Variants in AGPAT3 observed in about 807,000 individuals in gnomAD.
AGPAT3 encodes 1-acyl-sn-glycerol-3-phosphate acyltransferase gamma.
A neutral mutation model predicts 47.3 loss-of-function variants in AGPAT3; 5 were observed. The observed-to-expected ratio is 0.11, with a 90% confidence interval of 0.06 to 0.22. AGPAT3 has a LOEUF of 0.22. Among genes scored for constraint, AGPAT3 ranks in the 10% least tolerant of loss-of-function variants. AGPAT3 has a pLI of 1.00. For missense variants in AGPAT3, 315 were observed against 493.0 expected, an observed-to-expected ratio of 0.64 and a Z score of 3.42; for synonymous variants, 212 against 208.3, an observed-to-expected ratio of 1.02 and a Z score of -0.15.
intron 1 of AGPAT3, among the ~76,000 whole-genome samples, chr21:43,879,564 T>C (rs899894898): frequency 6.6e-6 from 1 of 151,566 alleles, no homozygotes; most frequent in African/African-American, 2.4e-5. Flanking sequence ...GTCGTGGGGG[T>C]GTGGCCCAGG....
rs1485799897 is a variant in AGPAT3 at position 43,954,953 on chromosome 21, C to T, written c.-48-4681C>T. The T allele has an allele frequency of 3.8e-6, 4 of 1,039,902 alleles. No individual in the cohort carries two copies. Among genetic ancestry groups the T allele is most frequent in the Non-Finnish European group, 4.8e-6 (4 of 830,168 alleles). 64.4% of individuals were successfully genotyped at this position (1,039,902 alleles called of 1,614,324 possible). A position where few individuals can be genotyped will look rare whatever the true frequency, so the allele number is the denominator to read the frequency against. On this transcript the variant is annotated intron_variant, in intron 2 of 9. Transcript: ENST00000291572. The surrounding 1 kb of genome is among the most constrained non-coding windows in gnomAD (Gnocchi z 4.0). ...TTCAGGTGATGGACCAGAGACTGGC[C>T]GCTTTGTGACACCGAGGACGGTTGA...
At chr21:43,919,168 T>C (rs1309368821) in intron 2 of AGPAT3, among the ~76,000 whole-genome samples, 1 of 152,214 alleles carries the variant, frequency 6.6e-6, no homozygotes, top group East Asian at 1.9e-4. Context: ...TATTTTCTTT[T>C]TTTTTAAACT....
chr21:43,969,401 G>A, intron 5 of AGPAT3, 122 bp downstream of exon 5: 5 of 1,275,688 alleles, frequency 3.9e-6, no homozygotes, highest in Non-Finnish European at 5.4e-6. Flanking sequence ...ATGGGGTGCT[G>A]TTTCCATGGG....
chr21:43,978,130 G>A lies in AGPAT3; in HGVS notation c.843+9G>A, dbSNP rs1275330986. On this transcript the variant is annotated intron_variant, in intron 8 of 9. Transcript: ENST00000291572. Reference sequence around the variant, plus strand: ...AACTGTACCAGGAGAAGGTAAGCAGGCTCTGCTCCCGCTCAGGGTCCCGGT... The same window carrying A: ...AACTGTACCAGGAGAAGGTAAGCAGACTCTGCTCCCGCTCAGGGTCCCGGT... 3.1e-6 allele frequency: 5 copies of A among 1,612,102 alleles called. No homozygotes were observed. The highest frequency in any genetic ancestry group is 2.2e-5 in the South Asian group (2 of 90,830).
intron 2 of AGPAT3, among the ~76,000 whole-genome samples, chr21:43,936,339 C>T (rs1024145092): frequency 1.5e-4 from 23 of 152,336 alleles, no homozygotes; most frequent in African/African-American, 5.1e-4. Context: ...CATTGTTTAC[C>T]GGGGGCTGTG....
At chr21:43,899,183 G>A (rs1011601364) in intron 1 of AGPAT3, among the ~76,000 whole-genome samples, 8 of 151,976 alleles carry the variant, frequency 5.3e-5, no homozygotes, top group East Asian at 3.9e-4. Context: ...GTGTTTGTCC[G>A]GAAGCACTAG....
At chr21:43,913,012 AAT>A (rs1236846588) in intron 2 of AGPAT3, among the ~76,000 whole-genome samples, 1 of 152,194 alleles carries the variant, frequency 6.6e-6, no homozygotes, top group Admixed American at 6.5e-5. Context: ...GAGGACGTGT[AAT>A]ATTTAGTACT....
Position 43,876,868 on chromosome 21 carries a change from T to G in AGPAT3, c.-112+11523T>G, listed in dbSNP as rs147118690. On this transcript the variant is annotated intron_variant, in intron 1 of 9. Transcript: ENST00000291572. Reference sequence around the variant, plus strand: ...TTTTGTTTTTTGTTTGTTTTATTTGTTTTTTTTTGAGACAAAGTCTCACTC... The same window carrying G: ...TTTTGTTTTTTGTTTGTTTTATTTGGTTTTTTTTGAGACAAAGTCTCACTC... Among the ~76,000 whole-genome samples the G allele has an allele frequency of 5.3e-3, 775 of 147,480 alleles. 5 individuals are homozygous for G. The highest frequency in any genetic ancestry group is 0.019 in the African/African-American group (708 of 38,000).
At chr21:43,871,237 A>T (rs746554377) in intron 1 of AGPAT3, among the ~76,000 whole-genome samples, 4 of 152,224 alleles carry the variant, frequency 2.6e-5, no homozygotes, top group Non-Finnish European at 1.5e-5. Context: ...CCAAGAATTT[A>T]TGTGCAGATG....
chr21:43,898,642 T>A (rs2086281556), intron 1 of AGPAT3, among the ~76,000 whole-genome samples: 1 of 152,186 alleles, frequency 6.6e-6, no homozygotes, highest in Non-Finnish European at 1.5e-5. Flanking sequence ...TTCTCCTGCC[T>A]CAGCCTCCTG....
At chr21:43,899,253 G>T (rs1034980652) in intron 1 of AGPAT3, among the ~76,000 whole-genome samples, 1 of 152,186 alleles carries the variant, frequency 6.6e-6, no homozygotes, top group Non-Finnish European at 1.5e-5. Context: ...TGGCAGTGCC[G>T]TTCTTTCAGC....
chr21:43,948,560 G>C lies in AGPAT3; in HGVS notation c.-48-11074G>C, dbSNP rs7277995. Among the ~76,000 whole-genome samples, 867 of 152,148 alleles carry C rather than the reference G, an allele frequency of 5.7e-3. 7 individuals carry two copies. The highest frequency in any genetic ancestry group is 0.028 in the East Asian group (147 of 5,182). On this transcript the variant is annotated intron_variant, in intron 2 of 9. Transcript: ENST00000291572. The stretch of plus-strand genomic sequence containing the variant: ...GCAGGAGGTTCTGTTACCAGCAAAG[G>C]GGGTAGTGGCAGGTAGGTAACTCAC...
chr21:43,958,378 T>C (rs968266642), intron 2 of AGPAT3, among the ~76,000 whole-genome samples: 2 of 151,148 alleles, frequency 1.3e-5, no homozygotes, highest in Admixed American at 6.6e-5. Flanking sequence ...GTGTAGAGTA[T>C]GGGGCTGTGT....
chr21:43,945,975 C>T (rs1208678460), intron 2 of AGPAT3, among the ~76,000 whole-genome samples: 8 of 152,142 alleles, frequency 5.3e-5, no homozygotes, highest in African/African-American at 1.4e-4. Flanking sequence ...GGGCCCTCCA[C>T]CTTGTCCCCG....
At chr21:43,940,388 T>C (rs1162665385) in intron 2 of AGPAT3, among the ~76,000 whole-genome samples, 2 of 152,130 alleles carry the variant, frequency 1.3e-5, no homozygotes, top group Non-Finnish European at 2.9e-5. Context: ...TACTGTGTGC[T>C]CCCCTCCTCT....
chr21:43,941,173 C>T (rs2087641302), intron 2 of AGPAT3, among the ~76,000 whole-genome samples: 1 of 152,140 alleles, frequency 6.6e-6, no homozygotes, highest in South Asian at 2.1e-4. Flanking sequence ...AGGTGATTTC[C>T]TAGGAAGAGA....
chr21:43,872,253 T>G (rs10432972), intron 1 of AGPAT3, among the ~76,000 whole-genome samples: 98,187 of 151,366 alleles, frequency 0.65, 33,686 homozygotes, highest in Admixed American at 0.77. Context: ...GGATCTCAGT[T>G]CACTGCAACC....
chr21:43,911,577 G>C (rs1340614274), intron 2 of AGPAT3, among the ~76,000 whole-genome samples: 1 of 152,198 alleles, frequency 6.6e-6, no homozygotes, highest in Non-Finnish European at 1.5e-5. Context: ...CTTTCTGTCT[G>C]TCTGGTGCCG....
Position 43,955,727 on chromosome 21 carries a change from G to A in AGPAT3, c.-48-3907G>A, listed in dbSNP as rs140203939. 7.9e-3 allele frequency among the ~76,000 whole-genome samples: 1,207 copies of A among 151,992 alleles called. 17 individuals are homozygous for A. Among genetic ancestry groups the A allele is most frequent in the African/African-American group, 0.028 (1,143 of 41,490 alleles). ...TCGAGGCCAGCCTGGCCAACATGGC[G>A]AAACCCCATCTCTACTAAACATACA... is the stretch of plus-strand genomic sequence containing the variant. On this transcript the variant is annotated intron_variant, in intron 2 of 9. Coordinates refer to ENST00000291572, the MANE Select transcript of AGPAT3 (RefSeq NM_020132.5). This position sits in a 1 kb window ranked among gnomAD's most constrained non-coding sequence, Gnocchi z 4.1.
Sources: allele counts gnomAD v4.1 joint callset (sites outside exome capture counted in the v4.1 genomes callset), GRCh38; gene constraint gnomAD v4.1.1; non-coding constraint Gnocchi (gnomAD v3.1); transcripts MANE v1.5; gene names NCBI Gene and HGNC (gene_info 2026-07-23, HGNC 2026-07-21).